Variants in PPP1R15B observed in about 807,000 individuals in gnomAD.
PPP1R15B encodes protein phosphatase 1 regulatory subunit 15B.
Under a neutral mutation model 53.9 loss-of-function variants are expected in PPP1R15B, and 31 were observed. That is an observed-to-expected ratio of 0.58 (90% confidence interval 0.43 to 0.78). PPP1R15B has a LOEUF of 0.78. Ranked by LOEUF, PPP1R15B falls within the 30% of genes least tolerant of loss-of-function variation. The pLI is 0.00. For synonymous variants in PPP1R15B, 345 were observed against 329.1 expected (o/e 1.05, Z -0.52); for missense variants, 928 against 849.6 (o/e 1.09, Z -1.15).
downstream of PPP1R15B, among the ~76,000 whole-genome samples, chr1:204,402,635 T>C (rs1423027789): frequency 6.6e-6 from 1 of 151,902 alleles, no homozygotes; most frequent in Non-Finnish European, 1.5e-5. Context: ...TTGCTCAGGC[T>C]GGTCTTGAAC....
At chr1:204,396,864 C>T (rs368921010), downstream of PPP1R15B, among the ~76,000 whole-genome samples, 1 of 152,142 alleles carries the variant, frequency 6.6e-6, no homozygotes, top group African/African-American at 2.4e-5. Context: ...ATCTACTGTA[C>T]GACATGGTGA....
Position 204,411,423 on chromosome 1 carries a change from T to C in PPP1R15B, c.-12A>G. On this transcript the variant is annotated 5_prime_UTR_variant, in exon 1 of 2. Transcript: ENST00000367188. The stretch of plus-strand genomic sequence containing the variant: ...GTCCCCGGCTCCATCTCCTTTTTCT[T>C]GACAGTCTCTCAGGTAGGGCCGCGG... The C allele has an allele frequency of 6.2e-7, 1 of 1,607,844 alleles. No homozygotes were observed. Among genetic ancestry groups the C allele is most frequent in the East Asian group, 2.2e-5 (1 of 44,862 alleles).
chr1:204,411,316 G>A lies in PPP1R15B; in HGVS notation c.96C>T (p.Gly32=). ...CAAGAGGCGTCGGGAACTTAGAAGA[G>A]CCTGCTTGCGATCGCCGAGGGAAAA... The part of the protein sequence containing the change: ...PPFFPRRSQA[G]SSKFPTPLGP... Residue 32 remains glycine (G), a synonymous_variant, in exon 1 of 2, where the codon GGC becomes GGT. Transcript: ENST00000367188. 2 of 1,614,186 alleles carry A rather than the reference G, an allele frequency of 1.2e-6. No individual in the cohort carries two copies. The highest frequency in any genetic ancestry group is 1.1e-5 in the South Asian group (1 of 91,090).
Position 204,411,307 on chromosome 1 carries a change from C to T in PPP1R15B, c.105G>A (p.Lys35=), listed in dbSNP as rs1418184774. Residue 35 remains lysine, a synonymous_variant, in exon 1 of 2, where the codon AAG becomes AAA. Coordinates refer to ENST00000367188, the MANE Select transcript of PPP1R15B (RefSeq NM_032833.5). ...FPRRSQAGSS[K]FPTPLGPENS... ...TTTCCGGGCCAAGAGGCGTCGGGAA[C>T]TTAGAAGAGCCTGCTTGCGATCGCC... The T allele has an allele frequency of 6.2e-7, 1 of 1,614,202 alleles. No individual in the cohort carries two copies. Among genetic ancestry groups the T allele is most frequent in the South Asian group, 1.1e-5 (1 of 91,092 alleles).
In PPP1R15B at chr1:204,405,528, A is replaced by C. The variant is rs569582886; in HGVS notation, c.*564T>G. ...TTCAATCCAAGTCATTTTTACAAGA[A>C]AAAAAAAAGTGACACAAAATAATGC... is the stretch of plus-strand genomic sequence containing the variant. On this transcript the variant is annotated 3_prime_UTR_variant, in exon 2 of 2. Coordinates refer to ENST00000367188, the MANE Select transcript of PPP1R15B (RefSeq NM_032833.5). 6 of 980,656 alleles carry C rather than the reference A, an allele frequency of 6.1e-6. No individual in the cohort carries two copies. The African/African-American group carries it at 1.1e-4, about 17-fold the overall frequency. 60.7% of individuals were successfully genotyped at this position (980,656 alleles called of 1,614,324 possible).
rs1237041367 is a variant in PPP1R15B, at chr1:204,410,738, G to A, written c.674C>T (p.Pro225Leu). 3.1e-6 allele frequency: 5 copies of A among 1,614,086 alleles called. No homozygotes were observed. Among genetic ancestry groups the A allele is most frequent in the Non-Finnish European group, 4.2e-6 (5 of 1,180,042 alleles). Residue 225 changes from proline to leucine, a missense_variant, in exon 1 of 2, where the codon CCT becomes CTT. Physicochemically the swap from Pro to Leu is moderately conservative, Grantham distance 98. Transcript: ENST00000367188. Reference protein sequence around the residue: ...NFSVVSYLLNPSYLDCFPRLE... With the variant: ...NFSVVSYLLNLSYLDCFPRLE... ...CCTAGGAAAGCAGTCCAGGTAGGAA[G>A]GGTTCAGCAAATAGGATACCACACT...
Position 204,404,022 on chromosome 1 carries a change from C to T in PPP1R15B, c.*2070G>A, listed in dbSNP as rs2103442374. On this transcript the variant is annotated 3_prime_UTR_variant, in exon 2 of 2. Coordinates refer to ENST00000367188, the MANE Select transcript of PPP1R15B (RefSeq NM_032833.5). ...TGCTAGGTTTAAGAAACAGGAAACA[C>T]AACGTTAAGTCTCGGAAATAAAATG... The T allele has an allele frequency of 4.1e-6, 4 of 985,374 alleles. No individual in the cohort carries two copies. The highest frequency in any genetic ancestry group is 4.7e-5 in the South Asian group (1 of 21,284). The allele number at this position is 985,374 out of a possible 1,614,324, so 61.0% of individuals were successfully genotyped here.
chr1:204,403,641 A>G lies in PPP1R15B; in HGVS notation c.*2451T>C. 1 of 985,482 alleles carries G rather than the reference A, an allele frequency of 1.0e-6. No individual in the cohort carries two copies. Among genetic ancestry groups the G allele is most frequent in the Non-Finnish European group, 1.2e-6 (1 of 829,542 alleles). The allele number at this position is 985,482 out of a possible 1,614,324, so 61.0% of individuals were successfully genotyped here. A position where few individuals can be genotyped will look rare whatever the true frequency, so the allele number is the denominator to read the frequency against. ...AGAAATGGAACTTTTACCTGTCTGTACAAAGCCTTTTACATGCTACATTGA... is the reference window on the plus strand; with the variant it reads ...AGAAATGGAACTTTTACCTGTCTGTGCAAAGCCTTTTACATGCTACATTGA... On this transcript the variant is annotated 3_prime_UTR_variant, in exon 2 of 2. Coordinates refer to ENST00000367188, the MANE Select transcript of PPP1R15B (RefSeq NM_032833.5).
At position 204,411,430 on chromosome 1, in the gene PPP1R15B, C is replaced by G. The variant is rs1674377448; in HGVS notation, c.-19G>C. 6.2e-7 allele frequency: 1 copy of G among 1,604,534 alleles called. No homozygotes were observed. The highest frequency in any genetic ancestry group is 8.5e-7 in the Non-Finnish European group (1 of 1,177,280). ...GCTCCATCTCCTTTTTCTTGACAGT[C>G]TCTCAGGTAGGGCCGCGGCGCTCAG... is the stretch of plus-strand genomic sequence containing the variant. On this transcript the variant is annotated 5_prime_UTR_variant, in exon 1 of 2. Coordinates refer to ENST00000367188, the MANE Select transcript of PPP1R15B (RefSeq NM_032833.5).
chr1:204,396,353 C>CAAAAAAAAAA (rs1448025124), downstream of PPP1R15B, among the ~76,000 whole-genome samples: 3 of 60,702 alleles, frequency 4.9e-5, no homozygotes, highest in East Asian at 6.2e-4. Flanking sequence ...ACTAAAAATA[C>CAAAAAAAAAA]AAAAAAAAAA....
chr1:204,399,643 G>A (rs893473197), downstream of PPP1R15B, among the ~76,000 whole-genome samples: 56 of 151,896 alleles, frequency 3.7e-4, no homozygotes, highest in African/African-American at 1.3e-3. Context: ...ACTCATAAAC[G>A]ACAAGATCCC....
rs1187939257 is a variant in PPP1R15B, at chr1:204,410,648, G to T, written c.764C>A (p.Pro255Gln). 2 of 1,614,014 alleles carry T rather than the reference G, an allele frequency of 1.2e-6. No individual in the cohort carries two copies. Among genetic ancestry groups the T allele is most frequent in the African/African-American group, 2.7e-5 (2 of 75,044 alleles). The change falls in exon 1 of 2, where the codon CCA becomes CAA. Residue 255 changes from proline to glutamine, a missense_variant. Physicochemically the swap from Pro to Gln is moderately conservative, Grantham distance 76. Coordinates refer to ENST00000367188, the MANE Select transcript of PPP1R15B (RefSeq NM_032833.5). Reference protein sequence around the residue: ...SEVVGFQTLTPESSCLREDHC... With the variant: ...SEVVGFQTLTQESSCLREDHC... Reference sequence around the variant, plus strand: ...GTCCTCTCTCAGGCAGCTGCTCTCTGGGGTTAGTGTCTGGAAGCCGACTAC... The same window carrying T: ...GTCCTCTCTCAGGCAGCTGCTCTCTTGGGTTAGTGTCTGGAAGCCGACTAC...
At chr1:204,400,960 G>C (rs1285654776), downstream of PPP1R15B, among the ~76,000 whole-genome samples, 4 of 152,208 alleles carry the variant, frequency 2.6e-5, no homozygotes, top group Non-Finnish European at 5.9e-5. Flanking sequence ...GCGGCTCTCA[G>C]GCTCATTAGA....
In PPP1R15B at chr1:204,410,692, G is replaced by A; in HGVS notation, c.720C>T (p.Asn240=). The A allele has an allele frequency of 6.2e-7, 1 of 1,614,144 alleles. No homozygotes were observed. The highest frequency in any genetic ancestry group is 1.1e-5 in the South Asian group (1 of 91,082). The change falls in exon 1 of 2, where the codon AAC becomes AAT. Residue 240 remains asparagine, a synonymous_variant. Coordinates refer to ENST00000367188, the MANE Select transcript of PPP1R15B (RefSeq NM_032833.5). The part of the protein sequence containing the change: ...CFPRLEVSYQ[N]SDGNSEVVGF... ...CGACTACCTCGCTATTTCCATCACT[G>A]TTCTGATAGCTGACTTCTAGCCTAG... is the stretch of plus-strand genomic sequence containing the variant.
downstream of PPP1R15B, among the ~76,000 whole-genome samples, chr1:204,395,886 ATATG>A (rs1347728322): frequency 6.6e-6 from 1 of 152,226 alleles, no homozygotes; most frequent in Non-Finnish European, 1.5e-5. Flanking sequence ...ATGTGCTTAT[ATATG>A]TATATGTTTA....
downstream of PPP1R15B, among the ~76,000 whole-genome samples, chr1:204,398,777 T>C (rs1410158044): frequency 6.6e-6 from 1 of 152,206 alleles, no homozygotes; most frequent in Non-Finnish European, 1.5e-5. Flanking sequence ...GCCAATCTTC[T>C]GCCAAAGAGC....
rs371220760 is a variant in PPP1R15B, at chr1:204,410,591, A to T, written c.821T>A (p.Leu274His). The change falls in exon 1 of 2, where the codon CTC becomes CAC. Residue 274 changes from leucine to histidine, a missense_variant. Physicochemically the swap from Leu to His is moderately conservative, Grantham distance 99. Transcript: ENST00000367188. ...ACATCCCTGCCACGAGGCCGGAATG[A>T]GTTCTGCACTCAGCGGCTGGGGATG... ...HCHPQPLSAELIPASWQGCPP... is the reference protein window; with the variant it reads ...HCHPQPLSAEHIPASWQGCPP... 1.2e-6 allele frequency: 2 copies of T among 1,613,858 alleles called. No individual in the cohort carries two copies. Among genetic ancestry groups the T allele is most frequent in the Non-Finnish European group, 1.7e-6 (2 of 1,179,792 alleles).
downstream of PPP1R15B, among the ~76,000 whole-genome samples, chr1:204,398,902 G>C (rs1674131316): frequency 6.6e-6 from 1 of 152,232 alleles, no homozygotes; most frequent in Non-Finnish European, 1.5e-5. Context: ...AATTAACAAT[G>C]TGTCTTATAT....
Position 204,404,719 on chromosome 1 carries a change from A to G in PPP1R15B, c.*1373T>C. On this transcript the variant is annotated 3_prime_UTR_variant, in exon 2 of 2. Transcript: ENST00000367188. Reference sequence around the variant, plus strand: ...CCCACACTTAAATAAGTTCAAAACTAAGAGGTCACCTATTCTACTTATGTT... The same window carrying G: ...CCCACACTTAAATAAGTTCAAAACTGAGAGGTCACCTATTCTACTTATGTT... 1 of 985,828 alleles carries G rather than the reference A, an allele frequency of 1.0e-6. No individual in the cohort carries two copies. Among genetic ancestry groups the G allele is most frequent in the Non-Finnish European group, 1.2e-6 (1 of 829,902 alleles). The allele number at this position is 985,828 out of a possible 1,614,324, so 61.1% of individuals were successfully genotyped here.
Sources: allele counts gnomAD v4.1 joint callset (sites outside exome capture counted in the v4.1 genomes callset), GRCh38; gene constraint gnomAD v4.1.1; transcripts MANE v1.5; gene names NCBI Gene and HGNC (gene_info 2026-07-23, HGNC 2026-07-21).